Variants in CPVL observed in about 807,000 individuals in gnomAD.
The protein encoded by CPVL is probable serine carboxypeptidase CPVL.
Under a neutral mutation model 63.7 loss-of-function variants are expected in CPVL, and 51 were observed. The observed-to-expected ratio is 0.80, with a 90% CI of 0.64 to 1.01. CPVL has a LOEUF of 1.01. CPVL is among the 50% of genes least tolerant of loss of function. The pLI is 0.00. For synonymous variants in CPVL, 195 were observed against 206.0 expected (o/e 0.95, Z 0.46); for missense variants, 530 against 573.1 (o/e 0.92, Z 0.77).
chr7:29,033,205 A>G (rs960003171), intron 11 of CPVL, among the ~76,000 whole-genome samples: 2 of 147,564 alleles, frequency 1.4e-5, no homozygotes, highest in Admixed American at 6.7e-5. Context: ...AGCATTAAAT[A>G]TAAGAATTCC....
chr7:29,138,876 C>T (rs245866), intron 1 of CPVL, among the ~76,000 whole-genome samples: 108,295 of 152,050 alleles, frequency 0.71, 38,768 homozygotes, highest in East Asian at 0.91. Flanking sequence ...ATCCCTCCTT[C>T]GACTCATTCA....
chr7:29,070,649 C>T (rs1197780244), intron 9 of CPVL, among the ~76,000 whole-genome samples: 3 of 152,258 alleles, frequency 2.0e-5, no homozygotes, highest in East Asian at 3.9e-4. Flanking sequence ...AGTGTCCTGA[C>T]ACAGAGAAAG....
chr7:29,131,466 A>G (rs1369915877), intron 1 of CPVL, among the ~76,000 whole-genome samples: 1 of 152,066 alleles, frequency 6.6e-6, no homozygotes, highest in Non-Finnish European at 1.5e-5. Flanking sequence ...ATTCTAGTAC[A>G]TTTCTCAGCT....
At chr7:29,155,686 G>A (rs1009522800) in intron 5 of CPVL, among the ~76,000 whole-genome samples, 48 of 152,288 alleles carry the variant, frequency 3.2e-4, no homozygotes, top group African/African-American at 1.1e-3. Context: ...TCCTGCTTCC[G>A]TGTTTTTAAA....
At chr7:29,020,943 A>C (rs1786904992) in intron 12 of CPVL, among the ~76,000 whole-genome samples, 1 of 152,192 alleles carries the variant, frequency 6.6e-6, no homozygotes, top group Non-Finnish European at 1.5e-5. Flanking sequence ...TGGGAGGCCA[A>C]GGTGGGTGGA....
At chr7:29,165,928 TG>T (rs1305230552) in intron 5 of CPVL, among the ~76,000 whole-genome samples, 1 of 152,224 alleles carries the variant, frequency 6.6e-6, no homozygotes, top group African/African-American at 2.4e-5. Context: ...TTTGTCACTA[TG>T]TTCACAGGGG....
chr7:29,135,058 C>T lies in CPVL; in HGVS notation c.-11+11371G>A, dbSNP rs552053690. On this transcript the variant is annotated intron_variant, in intron 1 of 12. Transcript: ENST00000265394. ...GGTCAAGGCTCCAGTGAGCCATGAT[C>T]GCACCACTGCACTCCAGCCTAGATG... 4.7e-5 allele frequency among the ~76,000 whole-genome samples: 7 copies of T among 147,870 alleles called. No individual in the cohort carries two copies. The East Asian group carries it at 1.2e-3, about 25-fold the overall frequency.
At chr7:29,151,934 A>C (rs543257551) in intron 5 of CPVL, among the ~76,000 whole-genome samples, 1 of 152,266 alleles carries the variant, frequency 6.6e-6, no homozygotes, top group Non-Finnish European at 1.5e-5. Context: ...AAGGACAAAC[A>C]GATAGTAAAC....
intron 3 of CPVL, among the ~76,000 whole-genome samples, chr7:29,107,976 G>T (rs1024722475): frequency 3.3e-5 from 5 of 152,314 alleles, no homozygotes; most frequent in Non-Finnish European, 5.9e-5. Flanking sequence ...TGGACCAGGA[G>T]CATTAGAGCG....
chr7:29,080,003 C>A (rs1784547613), intron 7 of CPVL, among the ~76,000 whole-genome samples: 1 of 152,024 alleles, frequency 6.6e-6, no homozygotes, highest in East Asian at 1.9e-4. Context: ...AAGCTGTGCA[C>A]AATAGACTGA....
intron 3 of CPVL, among the ~76,000 whole-genome samples, chr7:29,101,617 T>G (rs1157102750): frequency 6.6e-6 from 1 of 152,102 alleles, no homozygotes. Context: ...GCTTTAAAAT[T>G]TTTCTTAAAA....
At position 29,072,343 on chromosome 7, in the gene CPVL, C is replaced by T. The variant is rs764761007; in HGVS notation, c.690G>A (p.Leu230=). Reference sequence around the variant, plus strand: ...ATCCATCTCCAATAGCAATTCCGTTCAGGTTGATCTTCACCTCTCTCACAG... The same window carrying T: ...ATCCATCTCCAATAGCAATTCCGTTTAGGTTGATCTTCACCTCTCTCACAG... ...LNPVREVKIN[L]NGIAIGDGYS... is the part of the protein sequence containing the mutation. The change falls in exon 8 of 13, where the codon CTG becomes CTA. Residue 230 remains leucine (L), a synonymous_variant. Coordinates refer to ENST00000265394, the MANE Select transcript of CPVL (RefSeq NM_031311.5). 1 of 1,614,050 alleles carries T rather than the reference C, an allele frequency of 6.2e-7. No homozygotes were observed. Among genetic ancestry groups the T allele is most frequent in the Admixed American group, 1.7e-5 (1 of 60,016 alleles).
intron 1 of CPVL, chr7:29,192,453 C>T (rs919444624): frequency 1.3e-5 from 2 of 152,194 alleles, no homozygotes; most frequent in Non-Finnish European, 2.9e-5. Context: ...ATAATGAAAC[C>T]TGTTACCCTA....
At chr7:29,141,549 C>A (rs1791882860) in intron 1 of CPVL, among the ~76,000 whole-genome samples, 1 of 151,242 alleles carries the variant, frequency 6.6e-6, no homozygotes, top group Non-Finnish European at 1.5e-5. Flanking sequence ...AACTCCATTT[C>A]AAAAAATAAA....
intron 3 of CPVL, among the ~76,000 whole-genome samples, chr7:29,099,739 G>GA (rs939190042): frequency 6.6e-6 from 1 of 152,152 alleles, no homozygotes; most frequent in Admixed American, 6.5e-5. Flanking sequence ...AGTCAAAGCA[G>GA]AAAAAATGAA....
At chr7:29,111,660 A>G (rs1198446069) in intron 3 of CPVL, among the ~76,000 whole-genome samples, 1 of 152,218 alleles carries the variant, frequency 6.6e-6, no homozygotes, top group Admixed American at 6.5e-5. Context: ...ATCCCACCAC[A>G]GGCTGCTTTG....
rs376557979 is a variant in CPVL, at chr7:29,067,034, T to C, written c.865-913A>G. On this transcript the variant is annotated intron_variant, in intron 9 of 12. Coordinates refer to ENST00000265394, the MANE Select transcript of CPVL (RefSeq NM_031311.5). Reference sequence around the variant, plus strand: ...GATAGTGGAGAGGCAGGAGGATCAATGGATTGAAAGGTAGTGAGGTTGCAG... The same window carrying C: ...GATAGTGGAGAGGCAGGAGGATCAACGGATTGAAAGGTAGTGAGGTTGCAG... Among the ~76,000 whole-genome samples the C allele has an allele frequency of 1.9e-4, 29 of 152,164 alleles. No homozygotes were observed. The South Asian group carries it at 6.0e-3, about 32-fold the overall frequency.
upstream of CPVL, among the ~76,000 whole-genome samples, chr7:29,150,831 C>T (rs745971101): frequency 2.2e-4 from 33 of 152,062 alleles, no homozygotes; most frequent in Non-Finnish European, 2.9e-4. Context: ...AGAGGCACAG[C>T]GAAAAGAGAA....
intron 5 of CPVL, among the ~76,000 whole-genome samples, chr7:29,152,368 G>C (rs1231749265): frequency 3.3e-5 from 5 of 152,166 alleles, no homozygotes; most frequent in Admixed American, 3.3e-4. Flanking sequence ...CAGTGAGAAA[G>C]AGAAAAGGTG....
Sources: gnomAD v4.1 joint callset for allele counts (sites outside exome capture counted in the v4.1 genomes callset) on GRCh38, gnomAD v4.1.1 for gene constraint, MANE v1.5 for transcripts, NCBI Gene and HGNC (gene_info 2026-07-23, HGNC 2026-07-21) for gene names.